The following TMEM108 variants were observed in gnomAD, a reference collection of about 807,000 sequenced individuals.
TMEM108 encodes transmembrane protein 108, also known as cancer/testis antigen 124.
Under a neutral mutation model 35.1 loss-of-function variants are expected in TMEM108, and 12 were observed. That is an observed-to-expected ratio of 0.34 (90% CI 0.22 to 0.55). TMEM108 has a LOEUF of 0.55. TMEM108 is among the 20% of genes least tolerant of loss of function. The pLI, the probability that TMEM108 is intolerant of heterozygous loss-of-function variation, is 0.89. For synonymous variants in TMEM108, 287 were observed against 308.6 expected, an observed-to-expected ratio of 0.93 and a Z score of 0.73; for missense variants, 680 against 753.3, an observed-to-expected ratio of 0.90 and a Z score of 1.14.
chr3:133,169,602 A>G (rs6794137), intron 2 of TMEM108, among the ~76,000 whole-genome samples: 26,226 of 152,194 alleles, frequency 0.17, 2,377 homozygotes, highest in Middle Eastern at 0.27. Context: ...AACAAATCAT[A>G]CTATGGAATA....
chr3:133,340,618 C>A (rs116307477), intron 3 of TMEM108, among the ~76,000 whole-genome samples: 2,532 of 150,596 alleles, frequency 0.017, 66 homozygotes, highest in African/African-American at 0.057. Context: ...CAAAAAAAAA[C>A]AAACAAAAAA....
At chr3:133,144,641 C>CCTGA (rs1187584489) in intron 2 of TMEM108, among the ~76,000 whole-genome samples, 2 of 151,366 alleles carry the variant, frequency 1.3e-5, no homozygotes, top group African/African-American at 2.4e-5. Context: ...TCTGTTGTTT[C>CCTGA]CTTTTTAATG....
rs183980564 is a variant in TMEM108, at chr3:133,355,810, C to T, written c.41-23942C>T. Among the ~76,000 whole-genome samples the T allele has an allele frequency of 6.2e-3, 947 of 152,252 alleles. 13 individuals are homozygous for T. The highest frequency in any genetic ancestry group is 0.021 in the African/African-American group (889 of 41,562). ...CTGGTTAGATAAGTCTAAAGGAGTT[C>T]TTTCAATAAGGATAGAATAAAGATT... On this transcript the variant is annotated intron_variant, in intron 3 of 5. Transcript: ENST00000321871.
At chr3:133,145,738 G>GGC in intron 2 of TMEM108, among the ~76,000 whole-genome samples, 3 of 152,266 alleles carry the variant, frequency 2.0e-5, no homozygotes, top group Admixed American at 6.5e-5. Context: ...TTGTGAATAA[G>GGC]AGTTCACTCA....
intron 2 of TMEM108, among the ~76,000 whole-genome samples, chr3:133,227,777 C>T (rs1191123032): frequency 6.6e-6 from 1 of 152,018 alleles, no homozygotes; most frequent in East Asian, 2.0e-4. Flanking sequence ...TGCCTATAAT[C>T]CCAGCTTCTT....
chr3:133,189,434 A>G (rs988138713), intron 2 of TMEM108, among the ~76,000 whole-genome samples: 8 of 152,304 alleles, frequency 5.3e-5, no homozygotes, highest in African/African-American at 1.9e-4. Flanking sequence ...GGAAGAGGGG[A>G]TATCATCCAT....
At chr3:133,307,623 T>G (rs962502637) in intron 3 of TMEM108, among the ~76,000 whole-genome samples, 4 of 152,174 alleles carry the variant, frequency 2.6e-5, no homozygotes, top group Non-Finnish European at 5.9e-5. Flanking sequence ...ATTTATTAAA[T>G]AGGGAATCCT....
At chr3:133,251,357 C>T (rs1946467139) in intron 3 of TMEM108, among the ~76,000 whole-genome samples, 1 of 152,140 alleles carries the variant, frequency 6.6e-6, no homozygotes, top group Non-Finnish European at 1.5e-5. Flanking sequence ...ATAAAAGACA[C>T]TGCAGAGGTT....
intron 2 of TMEM108, among the ~76,000 whole-genome samples, chr3:133,152,035 C>T (rs1944809456): frequency 6.6e-6 from 1 of 152,128 alleles, no homozygotes; most frequent in African/African-American, 2.4e-5. Flanking sequence ...ATTTATTTGT[C>T]TGAGACTTCC....
At chr3:133,267,535 T>A (rs890832461) in intron 3 of TMEM108, among the ~76,000 whole-genome samples, 1 of 152,210 alleles carries the variant, frequency 6.6e-6, no homozygotes, top group African/African-American at 2.4e-5. Context: ...CAACTATTGC[T>A]GCATAACAAA....
intron 3 of TMEM108, among the ~76,000 whole-genome samples, chr3:133,304,410 A>T (rs932298658): frequency 3.3e-5 from 5 of 152,078 alleles, no homozygotes; most frequent in Non-Finnish European, 7.3e-5. Flanking sequence ...AATTATTTTC[A>T]TAAATGTATG....
chr3:133,273,371 A>T (rs1216987478), intron 3 of TMEM108, among the ~76,000 whole-genome samples: 3 of 152,162 alleles, frequency 2.0e-5, no homozygotes, highest in Non-Finnish European at 1.5e-5. Flanking sequence ...TCTTTTGTTC[A>T]TTCATCAGAA....
intron 3 of TMEM108, among the ~76,000 whole-genome samples, chr3:133,262,589 A>T (rs1946640004): frequency 6.6e-6 from 1 of 152,232 alleles, no homozygotes; most frequent in Non-Finnish European, 1.5e-5. Context: ...CCACCAACTA[A>T]GATACAGCAT....
chr3:133,124,243 A>G (rs1362815239), intron 2 of TMEM108, among the ~76,000 whole-genome samples: 4 of 152,216 alleles, frequency 2.6e-5, no homozygotes, highest in Non-Finnish European at 5.9e-5. Flanking sequence ...ACCGAAATGA[A>G]GAAACTACAA....
In TMEM108 at chr3:133,327,854, G is replaced by T. The variant is rs538557077; in HGVS notation, c.41-51898G>T. Among the ~76,000 whole-genome samples the T allele has an allele frequency of 1.1e-4, 16 of 152,170 alleles. 1 individual carries two copies. The South Asian group carries it at 3.3e-3, about 32-fold the overall frequency. On this transcript the variant is annotated intron_variant, in intron 3 of 5. Transcript: ENST00000321871. ...TTGTGAAAAGCAGCGGTGAAATTCA[G>T]TGAAGGAAAAAGTGCAGGCAGGAGG...
intron 2 of TMEM108, among the ~76,000 whole-genome samples, chr3:133,099,637 A>C (rs1043390781): frequency 6.6e-6 from 1 of 152,186 alleles, no homozygotes; most frequent in Admixed American, 6.5e-5. Flanking sequence ...CTTCCCCCAG[A>C]TACCCTAAAT....
chr3:133,099,610 T>C (rs1944060734), intron 2 of TMEM108, among the ~76,000 whole-genome samples: 1 of 152,184 alleles, frequency 6.6e-6, no homozygotes, highest in African/African-American at 2.4e-5. Context: ...TTTGAGTGCT[T>C]TGCTGCTTAG....
chr3:133,358,982 C>T (rs1452034608), intron 3 of TMEM108, among the ~76,000 whole-genome samples: 2 of 152,162 alleles, frequency 1.3e-5, no homozygotes, highest in Non-Finnish European at 2.9e-5. Context: ...CTACAGCCTG[C>T]CATCTCTTCT....
intron 3 of TMEM108, among the ~76,000 whole-genome samples, chr3:133,355,421 C>A (rs2072133807): frequency 6.6e-6 from 1 of 152,126 alleles, no homozygotes; most frequent in South Asian, 2.1e-4. Flanking sequence ...TGTAGTTGTT[C>A]ACCTCATCAT....
Sources: gnomAD v4.1 joint callset for allele counts (sites outside exome capture counted in the v4.1 genomes callset) on GRCh38, gnomAD v4.1.1 for gene constraint, MANE v1.5 for transcripts, NCBI Gene and HGNC (gene_info 2026-07-23, HGNC 2026-07-21) for gene names.